Variants in TRAF4 observed in about 807,000 individuals in gnomAD.
The protein encoded by TRAF4 is TNF receptor associated factor 4.
A neutral mutation model predicts 47.3 loss-of-function variants in TRAF4; 9 were observed. The observed-to-expected ratio is 0.19, with a 90% CI of 0.11 to 0.33. The LOEUF (loss-of-function observed/expected upper bound fraction) is 0.33. Ranked by LOEUF, TRAF4 falls within the 10% of genes least tolerant of loss-of-function variation. The pLI is 1.00. For missense variants in TRAF4, 448 were observed against 620.3 expected (o/e 0.72, Z 2.95); for synonymous variants, 236 against 236.9 (o/e 1.00, Z 0.04).
chr17:28,748,614 G>GT lies in TRAF4; in HGVS notation c.729dup (p.Asn244Ter). ...CTGCCAGGCCATCTGAAGGACAGCTGTAACACCGCCCTGGTGCTCTGCCCA... is the reference window on the plus strand; with the variant it reads ...CTGCCAGGCCATCTGAAGGACAGCTGTTAACACCGCCCTGGTGCTCTGCCCA... On this transcript the variant is annotated frameshift_variant, in exon 6 of 7. Transcript: ENST00000262395. LOFTEE classifies it high-confidence loss of function. 2 of 1,613,168 alleles carry GT rather than the reference G, an allele frequency of 1.2e-6. No homozygotes were observed. Among genetic ancestry groups the GT allele is most frequent in the Non-Finnish European group, 1.7e-6 (2 of 1,179,978 alleles).
At position 28,749,805 on chromosome 17, in the gene TRAF4, C is replaced by G. The variant is rs1199327216; in HGVS notation, c.*228C>G. On this transcript the variant is annotated 3_prime_UTR_variant, in exon 7 of 7. Coordinates refer to ENST00000262395, the MANE Select transcript of TRAF4 (RefSeq NM_004295.4). ...TCATGAAGGGCTGGAAACAAGTGAC[C>G]CCAGGGCCTGTCTCCCTTCTTGGGT... The G allele has an allele frequency of 7.9e-6, 6 of 761,848 alleles. 1 individual carries two copies. The highest frequency in any genetic ancestry group is 1.7e-5 in the African/African-American group (1 of 58,286). 47.2% of individuals were successfully genotyped at this position (761,848 alleles called of 1,614,324 possible). A position where few individuals can be genotyped will look rare whatever the true frequency, so the allele number is the denominator to read the frequency against.
intron 2 of TRAF4, 103 bp downstream of exon 2, chr17:28,747,367 C>A (rs779677200): frequency 7.1e-7 from 1 of 1,408,386 alleles, no homozygotes; most frequent in African/African-American, 1.4e-5. Flanking sequence ...AACCAAAAGC[C>A]TTGGGATGGT....
chr17:28,748,621 C>G lies in TRAF4; in HGVS notation c.735C>G (p.Thr245=). The G allele has an allele frequency of 6.2e-7, 1 of 1,612,962 alleles. No individual in the cohort carries two copies. Among genetic ancestry groups the G allele is most frequent in the Non-Finnish European group, 8.5e-7 (1 of 1,179,936 alleles). ...GCCATCTGAAGGACAGCTGTAACAC[C>G]GCCCTGGTGCTCTGCCCATTCAAAG... is the stretch of plus-strand genomic sequence containing the variant. ...LPGHLKDSCN[T]ALVLCPFKDS... is the part of the protein sequence containing the mutation. The change falls in exon 6 of 7, where the codon ACC becomes ACG. Residue 245 remains threonine (T), a synonymous_variant. Transcript: ENST00000262395.
chr17:28,749,741 T>G lies in TRAF4; in HGVS notation c.*164T>G. 8.4e-7 allele frequency: 1 copy of G among 1,189,730 alleles called. No homozygotes were observed. Among genetic ancestry groups the G allele is most frequent in the Non-Finnish European group, 1.2e-6 (1 of 830,988 alleles). 73.7% of individuals were successfully genotyped at this position (1,189,730 alleles called of 1,614,324 possible). On this transcript the variant is annotated 3_prime_UTR_variant, in exon 7 of 7. Transcript: ENST00000262395. ...ACCACCCTCAGGTGCCTCCAATTGG[T>G]GCTTCAGCCCTGGCCCCTGTGGGGA...
Position 28,744,182 on chromosome 17 carries a change from C to T in TRAF4, c.70C>T (p.Pro24Ser), listed in dbSNP as rs781206002. The change falls in exon 1 of 7, where the codon CCC (proline) becomes TCC (serine). Residue 24 changes from proline to serine, a missense_variant. Physicochemically the swap from Pro to Ser is moderately conservative, Grantham distance 74. Coordinates refer to ENST00000262395, the MANE Select transcript of TRAF4 (RefSeq NM_004295.4). ...GCTGCTGTGCCCACTGTGCGGGAAG[C>T]CCATGCGCGAGCCTGTGCAGGTTTC... is the stretch of plus-strand genomic sequence containing the variant. ...RRLLCPLCGK[P>S]MREPVQVSTC... 2 of 1,597,154 alleles carry T rather than the reference C, an allele frequency of 1.3e-6. No homozygotes were observed. Among genetic ancestry groups the T allele is most frequent in the Non-Finnish European group, 8.5e-7 (1 of 1,178,478 alleles).
At chr17:28,747,418 G>T in intron 2 of TRAF4, 154 bp downstream of exon 2, 1 of 900,386 alleles carries the variant, frequency 1.1e-6, no homozygotes, top group South Asian at 1.8e-5. Flanking sequence ...CACCAGGCCA[G>T]TTTGCAAACG....
chr17:28,747,811 AC>A, intron 2 of TRAF4, 31 bp from the exon 3 acceptor site: 1 of 1,599,438 alleles, frequency 6.3e-7, no homozygotes, highest in African/African-American at 1.3e-5. Flanking sequence ...GTCAGCTCTG[AC>A]CCTGGCCAGT....
intron 2 of TRAF4, chr17:28,747,592 G>C: frequency 1.7e-6 from 1 of 586,230 alleles, no homozygotes; most frequent in South Asian, 2.1e-5. Flanking sequence ...AGAGCCCCAG[G>C]GACAGCCTGG....
intron 1 of TRAF4, 46 bp downstream of exon 1, chr17:28,744,301 G>T (rs753918533): frequency 6.8e-7 from 1 of 1,468,206 alleles, no homozygotes; most frequent in Non-Finnish European, 9.1e-7. Context: ...GCGGGGCGGG[G>T]GGCGCCGCCT....
chr17:28,747,567 CA>C, intron 2 of TRAF4: 1 of 584,468 alleles, frequency 1.7e-6, no homozygotes, highest in Non-Finnish European at 3.0e-6. Flanking sequence ...ATCCCTCCAC[CA>C]GGGGAAAGGA....
In TRAF4 at chr17:28,749,779, G is replaced by T. The variant is rs2034574415; in HGVS notation, c.*202G>T. On this transcript the variant is annotated 3_prime_UTR_variant, in exon 7 of 7. Coordinates refer to ENST00000262395, the MANE Select transcript of TRAF4 (RefSeq NM_004295.4). ...GCCCCTGTGGGGAACAGGTCTTGGG[G>T]TCATGAAGGGCTGGAAACAAGTGAC... 2.5e-5 allele frequency: 22 copies of T among 878,020 alleles called. 1 individual carries two copies. The East Asian group carries it at 5.5e-4, about 22-fold the overall frequency. The allele number at this position is 878,020 out of a possible 1,614,324, so 54.4% of individuals were successfully genotyped here. A position where few individuals can be genotyped will look rare whatever the true frequency, so the allele number is the denominator to read the frequency against.
chr17:28,749,456 C>T lies in TRAF4; in HGVS notation c.1292C>T (p.Ser431Phe). ...TGGCGGGGCTCCCTGGATGAGAGTTCTCTGGGCTTTGGTTATCCCAAGTTC... is the reference window on the plus strand; with the variant it reads ...TGGCGGGGCTCCCTGGATGAGAGTTTTCTGGGCTTTGGTTATCCCAAGTTC... ...GTWRGSLDES[S>F]LGFGYPKFIS... is the part of the protein sequence containing the mutation. The change falls in exon 7 of 7, where the codon TCT becomes TTT. Residue 431 changes from serine to phenylalanine, a missense_variant. Ser to Phe is a radical substitution (Grantham distance 155). Transcript: ENST00000262395. 1 of 1,613,978 alleles carries T rather than the reference C, an allele frequency of 6.2e-7. No individual in the cohort carries two copies. Among genetic ancestry groups the T allele is most frequent in the Non-Finnish European group, 8.5e-7 (1 of 1,180,030 alleles).
intron 1 of TRAF4, chr17:28,745,098 C>T (rs2034489349): frequency 6.6e-6 from 1 of 152,578 alleles, no homozygotes; most frequent in Non-Finnish European, 1.5e-5. Flanking sequence ...GTCATGCCCC[C>T]AGAGCGCAGG....
rs755843596 is a variant in TRAF4 at position 28,749,613 on chromosome 17, C to T, written c.*36C>T. On this transcript the variant is annotated 3_prime_UTR_variant, in exon 7 of 7. Coordinates refer to ENST00000262395, the MANE Select transcript of TRAF4 (RefSeq NM_004295.4). ...GGTTCGAGGGGAAAGGACGATGGGG[C>T]ATGACCTCAGTCAGGCACTGGCTGA... The T allele has an allele frequency of 1.9e-6, 3 of 1,592,296 alleles. No homozygotes were observed. In the South Asian group the frequency reaches 3.4e-5, roughly 18 times the overall value.
In TRAF4 at chr17:28,749,907, A is replaced by T; in HGVS notation, c.*330A>T. 1 of 700,668 alleles carries T rather than the reference A, an allele frequency of 1.4e-6. No homozygotes were observed. Among genetic ancestry groups the T allele is most frequent in the Non-Finnish European group, 2.6e-6 (1 of 384,660 alleles). The allele number at this position is 700,668 out of a possible 1,614,324, so 43.4% of individuals were successfully genotyped here. A position where few individuals can be genotyped will look rare whatever the true frequency, so the allele number is the denominator to read the frequency against. On this transcript the variant is annotated 3_prime_UTR_variant, in exon 7 of 7. Transcript: ENST00000262395. ...GCTCAGGTGCTATGTCCCAAGAGCC[A>T]TAAGGGGGTGGGAATTGGGGAGGGA...
chr17:28,749,207 T>C lies in TRAF4; in HGVS notation c.1043T>C (p.Val348Ala). ...YTHKYGYKLQ[V>A]SAFLNGNGSG... is the part of the protein sequence containing the mutation. ...CATAAGTATGGTTACAAGCTGCAGG[T>C]GTCTGCATTCCTCAATGGCAATGGC... Residue 348 changes from valine to alanine, a missense_variant, in exon 7 of 7, where the codon GTG (valine) becomes GCG (alanine). Coordinates refer to ENST00000262395, the MANE Select transcript of TRAF4 (RefSeq NM_004295.4). 6.2e-7 allele frequency: 1 copy of C among 1,614,130 alleles called. No individual in the cohort carries two copies. Among genetic ancestry groups the C allele is most frequent in the South Asian group, 1.1e-5 (1 of 91,088 alleles).
intron 1 of TRAF4, among the ~76,000 whole-genome samples, chr17:28,745,763 C>A (rs1416534915): frequency 2.0e-5 from 3 of 152,206 alleles, no homozygotes; most frequent in Non-Finnish European, 4.4e-5. Context: ...CCCTGCTCCT[C>A]ACCCGCCACG....
intron 1 of TRAF4, 120 bp from the exon 2 acceptor site, chr17:28,747,093 C>G (rs573310201): frequency 8.8e-7 from 1 of 1,131,076 alleles, no homozygotes; most frequent in Admixed American, 2.2e-5. Flanking sequence ...CCTTTTGTCT[C>G]ATCTAGGCTG....
chr17:28,749,975 C>G lies in TRAF4; in HGVS notation c.*398C>G, dbSNP rs1330682487. ...AGTCTGTCTTGAGATCTGATTTTTT[C>G]CCCCTTTACCTAGCTGTGCCCCCTC... On this transcript the variant is annotated 3_prime_UTR_variant, in exon 7 of 7. Coordinates refer to ENST00000262395, the MANE Select transcript of TRAF4 (RefSeq NM_004295.4). The G allele has an allele frequency of 1.5e-6, 1 of 663,188 alleles. No homozygotes were observed. The highest frequency in any genetic ancestry group is 2.7e-5 in the East Asian group (1 of 36,618). 41.1% of individuals were successfully genotyped at this position (663,188 alleles called of 1,614,324 possible). A position where few individuals can be genotyped will look rare whatever the true frequency, so the allele number is the denominator to read the frequency against.
Sources: allele counts gnomAD v4.1 joint callset (sites outside exome capture counted in the v4.1 genomes callset), GRCh38; gene constraint gnomAD v4.1.1; transcripts MANE v1.5; gene names NCBI Gene and HGNC (gene_info 2026-07-23, HGNC 2026-07-21).